RAD51B: variants seen among roughly 807,000 people sequenced by gnomAD.
The protein encoded by RAD51B is RAD51 paralog B, also known as DNA repair protein RAD51 homolog 2.
A neutral mutation model predicts 42.2 loss-of-function variants in RAD51B; 38 were observed. The observed-to-expected ratio is 0.90, with a 90% CI of 0.70 to 1.18. The LOEUF (loss-of-function observed/expected upper bound fraction) is 1.18. Ranked by LOEUF, RAD51B falls within the 50% of genes most tolerant of loss-of-function variation. RAD51B has a pLI of 0.00. For synonymous variants in RAD51B, 154 were observed against 145.2 expected, an observed-to-expected ratio of 1.06 and a Z score of -0.43; for missense variants, 373 against 400.7, an observed-to-expected ratio of 0.93 and a Z score of 0.59.
At chr14:68,111,355 G>A (rs1374677371) in intron 7 of RAD51B, among the ~76,000 whole-genome samples, 2 of 152,072 alleles carry the variant, frequency 1.3e-5, no homozygotes, top group East Asian at 3.9e-4. Flanking sequence ...AACTGATTGG[G>A]TTCTATTAGA....
chr14:68,262,558 CT>C (rs559227890), intron 7 of RAD51B, among the ~76,000 whole-genome samples: 43 of 152,324 alleles, frequency 2.8e-4, no homozygotes, highest in South Asian at 2.3e-3. Context: ...CACCTGCCCC[CT>C]GACCCAGTTT....
Position 67,990,621 on chromosome 14 carries a change from A to G in RAD51B, c.756+103417A>G, listed in dbSNP as rs1214176941. On this transcript the variant is annotated intron_variant, in intron 7 of 10. Coordinates refer to ENST00000471583, the MANE Select transcript of RAD51B (RefSeq NM_133510.4). ...ATGTTTTATCTGTAAGTACTTTGGG[A>G]TTTCTTTTGAACTAAAAATATACAA... 1.3e-5 allele frequency among the ~76,000 whole-genome samples: 2 copies of G among 151,986 alleles called. 1 individual carries two copies. Among genetic ancestry groups the G allele is most frequent in the Non-Finnish European group, 2.9e-5 (2 of 68,016 alleles).
chr14:68,102,186 G>T (rs1005520961), intron 7 of RAD51B, among the ~76,000 whole-genome samples: 4 of 152,264 alleles, frequency 2.6e-5, no homozygotes, highest in African/African-American at 9.6e-5. Context: ...TCCCTCCTAG[G>T]CCTCTGGGCC....
chr14:68,411,288 T>A, intron 8 of RAD51B, 136 bp from the exon 9 acceptor site: 1 of 702,506 alleles, frequency 1.4e-6, no homozygotes, highest in Non-Finnish European at 2.5e-6. Flanking sequence ...CTTCACTGAT[T>A]CCTCAAGTTC....
At chr14:67,873,090 G>A (rs1248374825) in intron 5 of RAD51B, among the ~76,000 whole-genome samples, 1 of 152,096 alleles carries the variant, frequency 6.6e-6, no homozygotes, top group African/African-American at 2.4e-5. Context: ...TTGACAAATG[G>A]GATCTAATTA....
intron 9 of RAD51B, among the ~76,000 whole-genome samples, chr14:68,464,627 C>A (rs891144880): frequency 6.6e-6 from 1 of 152,196 alleles, no homozygotes; most frequent in Non-Finnish European, 1.5e-5. Flanking sequence ...TGGTCACTCA[C>A]AAGTCCACTT....
intron 7 of RAD51B, among the ~76,000 whole-genome samples, chr14:68,275,794 CCACACA>C (rs10641411): frequency 0.016 from 2,260 of 141,340 alleles, 42 homozygotes; most frequent in African/African-American, 0.046. Flanking sequence ...AACTAGCTCT[CCACACA>C]CACACACACA....
At chr14:67,929,384 G>T (rs1036555527) in intron 7 of RAD51B, among the ~76,000 whole-genome samples, 1 of 152,030 alleles carries the variant, frequency 6.6e-6, no homozygotes, top group Non-Finnish European at 1.5e-5. Flanking sequence ...TAATTTCCAT[G>T]TATTTGTATA....
At chr14:68,090,479 G>A (rs1466773050) in intron 7 of RAD51B, among the ~76,000 whole-genome samples, 1 of 151,964 alleles carries the variant, frequency 6.6e-6, no homozygotes, top group Non-Finnish European at 1.5e-5. Flanking sequence ...GAGACTTAGG[G>A]CCTTGGTTTG....
chr14:68,456,676 C>T (rs987397889), intron 9 of RAD51B, among the ~76,000 whole-genome samples: 1 of 152,058 alleles, frequency 6.6e-6, no homozygotes, highest in African/African-American at 2.4e-5. Context: ...GATAGGACAA[C>T]TGGACAGAAG....
intron 9 of RAD51B, among the ~76,000 whole-genome samples, chr14:68,459,038 A>G (rs894464858): frequency 1.4e-4 from 21 of 152,202 alleles, no homozygotes; most frequent in African/African-American, 2.7e-4. Flanking sequence ...AGATCCAACT[A>G]CAGACTGGGA....
At chr14:68,349,461 G>A (rs917562680) in intron 8 of RAD51B, among the ~76,000 whole-genome samples, 1 of 152,106 alleles carries the variant, frequency 6.6e-6, no homozygotes. Flanking sequence ...CCGCCTCCCA[G>A]GTTCAAGCAA....
At chr14:67,825,110 A>G (rs1041303623) in intron 2 of RAD51B, among the ~76,000 whole-genome samples, 1 of 146,392 alleles carries the variant, frequency 6.8e-6, no homozygotes, top group Non-Finnish European at 1.5e-5. Flanking sequence ...AAAAAAAAGG[A>G]AAGAAACTCT....
chr14:68,413,686 G>C (rs531241159), intron 9 of RAD51B, among the ~76,000 whole-genome samples: 2 of 152,280 alleles, frequency 1.3e-5, no homozygotes, highest in Admixed American at 1.3e-4. Flanking sequence ...GGTGTGCTTA[G>C]TGATTCCCTG....
rs568272534 is a variant in RAD51B, at chr14:68,590,510, C to T, written c.1037-3975C>T. Among the ~76,000 whole-genome samples the T allele has an allele frequency of 7.9e-5, 12 of 152,334 alleles. No homozygotes were observed. In the South Asian group the frequency reaches 1.5e-3, roughly 18 times the overall value. ...GGTTCCCAGAGCAAAGGAAACCTGG[C>T]GATGTCAGGTCTTCAGCTTTTAGTC... On this transcript the variant is annotated intron_variant, in intron 10 of 10. Coordinates refer to the RAD51B transcript ENST00000487270.
intron 10 of RAD51B, among the ~76,000 whole-genome samples, chr14:68,621,774 GTGGC>G (rs1162170012): frequency 9.8e-6 from 1 of 102,552 alleles, no homozygotes; most frequent in African/African-American, 4.3e-5. Context: ...CCAAGATGTA[GTGGC>G]TTAGCAAGAA....
At chr14:68,202,942 G>C (rs1201308615) in intron 7 of RAD51B, among the ~76,000 whole-genome samples, 1 of 152,028 alleles carries the variant, frequency 6.6e-6, no homozygotes, top group Non-Finnish European at 1.5e-5. Flanking sequence ...ACAGCTTCAG[G>C]CTCTACTTCT....
intron 9 of RAD51B, among the ~76,000 whole-genome samples, chr14:68,441,252 A>G (rs1404254912): frequency 6.6e-6 from 1 of 152,140 alleles, no homozygotes; most frequent in Admixed American, 6.5e-5. Context: ...AGAGATTAAG[A>G]TTAATTTAGG....
At chr14:67,903,930 C>T (rs57465625) in intron 7 of RAD51B, among the ~76,000 whole-genome samples, 32 of 152,150 alleles carry the variant, frequency 2.1e-4, no homozygotes, top group African/African-American at 6.7e-4. Flanking sequence ...AGTAGGCCCC[C>T]GTATCTATGG....
Sources: allele counts gnomAD v4.1 joint callset (sites outside exome capture counted in the v4.1 genomes callset), GRCh38; gene constraint gnomAD v4.1.1; transcripts MANE v1.5; gene names NCBI Gene and HGNC (gene_info 2026-07-23, HGNC 2026-07-21).